PXN: variants seen among roughly 807,000 people sequenced by gnomAD.
The protein encoded by PXN is paxillin, also known as testicular tissue protein Li 134.
In PXN, 61 loss-of-function variants were observed where a neutral mutation model predicts 103.6. The observed-to-expected ratio is 0.59, with a 90% CI of 0.48 to 0.73. The LOEUF is 0.73. PXN is among the 30% of genes least tolerant of loss of function. The pLI, the probability that PXN is intolerant of heterozygous loss-of-function variation, is 0.00. For missense variants in PXN, 1,274 were observed against 1,460.3 expected, an observed-to-expected ratio of 0.87 and a Z score of 2.08; for synonymous variants, 562 against 607.8, an observed-to-expected ratio of 0.92 and a Z score of 1.11.
Position 120,219,828 on chromosome 12 carries a change from A to G in PXN, c.1095T>C (p.Ser365=), listed in dbSNP as rs1884542707. Residue 365 remains serine, a synonymous_variant, in exon 7 of 15, where the codon TCT becomes TCC. Coordinates refer to ENST00000637617, the MANE Select transcript of PXN (RefSeq NM_001385981.1). This position sits in a 1 kb window ranked among gnomAD's most constrained non-coding sequence, Gnocchi z 6.5. ...CCCACAGAGAACCCTCCACAGAGGG[A>G]GACCTTGAGTTGAAGGTGTCAGGCA... ...GVMPDTFNSR[S]PSVEGSLWAV... 1.3e-6 allele frequency: 2 copies of G among 1,598,278 alleles called. No individual in the cohort carries two copies. The highest frequency in any genetic ancestry group is 1.7e-6 in the Non-Finnish European group (2 of 1,179,802).
At chr12:120,251,609 G>A (rs921494842) in intron 1 of PXN, among the ~76,000 whole-genome samples, 2 of 152,028 alleles carry the variant, frequency 1.3e-5, no homozygotes, top group Non-Finnish European at 2.9e-5. Context: ...TTGAGGTCAG[G>A]AATTCAAGAC....
At position 120,219,349 on chromosome 12, in the gene PXN, G is replaced by A; in HGVS notation, c.1574C>T (p.Pro525Leu). The change falls in exon 7 of 15, where the codon CCA (proline) becomes CTA (leucine). Residue 525 changes from proline (P) to leucine (L), a missense_variant. Around this residue, in one of 2 missense-constraint regions of PXN, gnomAD observed 1,178 missense variants for 1,309.0 expected, o/e 0.90. Transcript: ENST00000637617. This position sits in a 1 kb window ranked among gnomAD's most constrained non-coding sequence, Gnocchi z 6.5. ...KMTERGSVARPTQGPETPRSP... is the reference protein window; with the variant it reads ...KMTERGSVARLTQGPETPRSP... The stretch of plus-strand genomic sequence containing the variant: ...CCTTGGGGTTTCAGGTCCCTGGGTT[G>A]GCCTGGCCACACTTCCCCTCTCGGT... 1.3e-6 allele frequency: 2 copies of A among 1,598,418 alleles called. No homozygotes were observed. Among genetic ancestry groups the A allele is most frequent in the Non-Finnish European group, 1.7e-6 (2 of 1,179,798 alleles).
chr12:120,226,637 C>CT lies in PXN; in HGVS notation c.14-2261dup, dbSNP rs763931492. 6.2e-5 allele frequency: 73 copies of CT among 1,181,600 alleles called. No individual in the cohort carries two copies. The East Asian group carries it at 3.8e-3, about 61-fold the overall frequency. 73.2% of individuals were successfully genotyped at this position (1,181,600 alleles called of 1,614,324 possible). On this transcript the variant is annotated intron_variant, in intron 1 of 14. Coordinates refer to ENST00000637617, the MANE Select transcript of PXN (RefSeq NM_001385981.1). The stretch of plus-strand genomic sequence containing the variant: ...TTCAGGTTTACAATGTCAACAGGCT[C>CT]TTGGGAGCACAGATCCCTAGGCTGG...
intron 1 of PXN, among the ~76,000 whole-genome samples, chr12:120,246,812 G>A (rs779606471): frequency 6.7e-6 from 1 of 149,542 alleles, no homozygotes; most frequent in Non-Finnish European, 1.5e-5. Flanking sequence ...CCAGGATTGC[G>A]CCACTGCACT....
intron 1 of PXN, among the ~76,000 whole-genome samples, chr12:120,244,235 C>A (rs1308007029): frequency 2.0e-5 from 3 of 151,280 alleles, no homozygotes; most frequent in African/African-American, 7.3e-5. Flanking sequence ...AAAAAAATAG[C>A]TGGGCATGGT....
chr12:120,227,055 ACTT>A (rs1887012554), intron 1 of PXN: 3 of 986,276 alleles, frequency 3.0e-6, no homozygotes, highest in Middle Eastern at 5.2e-4. Flanking sequence ...CAAAGTACTA[ACTT>A]CTTCTAAGTC....
In PXN at chr12:120,219,408, G is replaced by A. The variant is rs1173039471; in HGVS notation, c.1515C>T (p.Ala505=). 6.3e-7 allele frequency: 1 copy of A among 1,598,266 alleles called. No individual in the cohort carries two copies. Residue 505 remains alanine (A), a synonymous_variant, in exon 7 of 15, where the codon GCC becomes GCT. Transcript: ENST00000637617. This position sits in a 1 kb window ranked among gnomAD's most constrained non-coding sequence, Gnocchi z 6.5. Reference sequence around the variant, plus strand: ...CACCTAGCTGCTCCGTGGTAACTGAGGCAGGGGAGCTGCTTCCCAGCCTCC... The same window carrying A: ...CACCTAGCTGCTCCGTGGTAACTGAAGCAGGGGAGCTGCTTCCCAGCCTCC... ...EPGRLGSSSP[A]SVTTEQLGAK... is the part of the protein sequence containing the mutation.
At position 120,222,331 on chromosome 12, in the gene PXN, G is replaced by A. The variant is rs1038408086; in HGVS notation, c.695+218C>T. Among the ~76,000 whole-genome samples, 1 of 152,248 alleles carries A rather than the reference G, an allele frequency of 6.6e-6. No individual in the cohort carries two copies. The highest frequency in any genetic ancestry group is 2.4e-5 in the African/African-American group (1 of 41,472). On this transcript the variant is annotated intron_variant, in intron 5 of 14. Transcript: ENST00000637617. This position sits in a 1 kb window ranked among gnomAD's most constrained non-coding sequence, Gnocchi z 4.7. ...CTGTGCTAAGAGCTGCTAAGCTCCAGGCGCCCTCAGCCTGCACAACGTCTG... is the reference window on the plus strand; with the variant it reads ...CTGTGCTAAGAGCTGCTAAGCTCCAAGCGCCCTCAGCCTGCACAACGTCTG...
intron 1 of PXN, among the ~76,000 whole-genome samples, chr12:120,250,987 T>C (rs1203188810): frequency 6.6e-6 from 1 of 152,170 alleles, no homozygotes; most frequent in Non-Finnish European, 1.5e-5. Context: ...GCAGATCACT[T>C]GAGGCCAGGA....
Position 120,216,882 on chromosome 12 carries a change from G to C in PXN, c.1951C>G (p.Gln651Glu). The C allele has an allele frequency of 6.6e-7, 1 of 1,516,968 alleles. No homozygotes were observed. The highest frequency in any genetic ancestry group is 1.2e-5 in the South Asian group (1 of 81,886). The allele number at this position is 1,516,968 out of a possible 1,614,324, so 94.0% of individuals were successfully genotyped here. ...WLTEGVIITVQPRGKRAGGQL... is the reference protein window; with the variant it reads ...WLTEGVIITVEPRGKRAGGQL... Reference sequence around the variant, plus strand: ...CCCCCGGCCCGCTTCCCACGTGGCTGCACAGTGATGATGACGCCCTCGGTC... The same window carrying C: ...CCCCCGGCCCGCTTCCCACGTGGCTCCACAGTGATGATGACGCCCTCGGTC... The change falls in exon 8 of 15, where the codon CAG (glutamine) becomes GAG (glutamate). Residue 651 changes from glutamine (Q) to glutamate (E), a missense_variant. Gln to Glu is a conservative substitution (Grantham distance 29, BLOSUM62 2). Transcript: ENST00000637617. The surrounding 1 kb of genome is among the most constrained non-coding windows in gnomAD (Gnocchi z 5.1).
intron 1 of PXN, among the ~76,000 whole-genome samples, chr12:120,261,139 T>G (rs748050534): frequency 2.6e-5 from 4 of 152,244 alleles, no homozygotes; most frequent in Non-Finnish European, 5.9e-5. Flanking sequence ...ACAATGCATG[T>G]AAAGTGCCCA....
At position 120,229,091 on chromosome 12, in the gene PXN, C is replaced by T. The variant is rs1166734116; in HGVS notation, c.14-4714G>A. On this transcript the variant is annotated intron_variant, in intron 1 of 14. Coordinates refer to ENST00000637617, the MANE Select transcript of PXN (RefSeq NM_001385981.1). This position sits in a 1 kb window ranked among gnomAD's most constrained non-coding sequence, Gnocchi z 4.0. The stretch of plus-strand genomic sequence containing the variant: ...CCAGGGCAAGTGCTGCAGCTGCATC[C>T]CTCACATTCCTGTACCCACCTAGGG... Among the ~76,000 whole-genome samples, 1 of 152,172 alleles carries T rather than the reference C, an allele frequency of 6.6e-6. No individual in the cohort carries two copies. The highest frequency in any genetic ancestry group is 1.5e-5 in the Non-Finnish European group (1 of 68,026).
intron 3 of PXN, 94 bp downstream of exon 3, chr12:120,223,624 G>T: frequency 1.1e-6 from 1 of 944,402 alleles, no homozygotes; most frequent in Non-Finnish European, 1.6e-6. Flanking sequence ...CAGTTGCTAT[G>T]CCTGCTCCCG....
intron 1 of PXN, among the ~76,000 whole-genome samples, chr12:120,253,877 A>G (rs12811881): frequency 5.3e-5 from 8 of 151,910 alleles, no homozygotes; most frequent in African/African-American, 1.7e-4. Flanking sequence ...ATATTTATTT[A>G]TTTATTATTT....
chr12:120,239,659 C>T (rs1324279300), intron 1 of PXN, among the ~76,000 whole-genome samples: 3 of 151,936 alleles, frequency 2.0e-5, no homozygotes, highest in African/African-American at 2.4e-5. Flanking sequence ...AGTGAGGCAA[C>T]GGAATTGCTT....
rs896981352 is a variant in PXN, at chr12:120,265,134, G to A, written c.13+483C>T. Reference sequence around the variant, plus strand: ...AAGTGGGGGGCGGCCCTGGAGGGACGGGGAGCAGGTCGAGGAAATGAGGGA... The same window carrying A: ...AAGTGGGGGGCGGCCCTGGAGGGACAGGGAGCAGGTCGAGGAAATGAGGGA... On this transcript the variant is annotated intron_variant, in intron 1 of 14. Transcript: ENST00000637617. This position sits in a 1 kb window ranked among gnomAD's most constrained non-coding sequence, Gnocchi z 5.7. Among the ~76,000 whole-genome samples the A allele has an allele frequency of 1.3e-5, 2 of 151,822 alleles. No homozygotes were observed. Among genetic ancestry groups the A allele is most frequent in the Non-Finnish European group, 2.9e-5 (2 of 67,934 alleles).
chr12:120,232,731 G>A (rs1566409563), intron 1 of PXN, among the ~76,000 whole-genome samples: 1 of 152,158 alleles, frequency 6.6e-6, no homozygotes, highest in Non-Finnish European at 1.5e-5. Flanking sequence ...GGCTCAAAGT[G>A]AGTCATCGTC....
chr12:120,231,368 T>G (rs550784370), intron 1 of PXN, among the ~76,000 whole-genome samples: 7 of 152,320 alleles, frequency 4.6e-5, no homozygotes, highest in African/African-American at 1.7e-4. Flanking sequence ...ATCAATACCA[T>G]AGTGTCATTT....
rs1388431710 is a variant in PXN, at chr12:120,221,587, C to T, written c.831+36G>A. 6 of 1,538,186 alleles carry T rather than the reference C, an allele frequency of 3.9e-6. No homozygotes were observed. The highest frequency in any genetic ancestry group is 2.0e-5 in the Admixed American group (1 of 50,966). ...AGGGAGGAGAAGGATGAGGGAGGGG[C>T]GGCAGGGCAGGGAAGATGGAGGGTT... On this transcript the variant is annotated intron_variant, in intron 6 of 14. Transcript: ENST00000637617. The surrounding 1 kb of genome is among the most constrained non-coding windows in gnomAD (Gnocchi z 6.6).
Sources: gnomAD v4.1 joint callset for allele counts (sites outside exome capture counted in the v4.1 genomes callset) on GRCh38, gnomAD v4.1.1 for gene constraint, gnomAD v4.1.1 regional missense constraint, Gnocchi (gnomAD v3.1) non-coding constraint, MANE v1.5 for transcripts, NCBI Gene and HGNC (gene_info 2026-07-23, HGNC 2026-07-21) for gene names.